Variants in NARS2 observed in about 807,000 individuals in gnomAD.
NARS2 encodes asparaginyl-tRNA synthetase 2, mitochondrial.
In NARS2, 60 loss-of-function variants were observed where a neutral mutation model predicts 62.9. That is an observed-to-expected ratio of 0.95 (90% CI 0.77 to 1.18). The LOEUF (loss-of-function observed/expected upper bound fraction) is 1.18. Among genes scored for constraint, NARS2 ranks in the 50% most tolerant of loss-of-function variants. The pLI is 0.00. For missense variants in NARS2, 619 were observed against 576.4 expected, an observed-to-expected ratio of 1.07 and a Z score of -0.76; for synonymous variants, 196 against 200.0, an observed-to-expected ratio of 0.98 and a Z score of 0.17.
intron 1 of NARS2, chr11:78,573,227 C>T (rs1486312676): frequency 1.3e-5 from 2 of 152,146 alleles, no homozygotes; most frequent in Non-Finnish European, 2.9e-5. Context: ...AAAGCAAGAA[C>T]CTACTCAAAA....
At chr11:78,443,606 T>C in intron 12 of NARS2, 55 bp downstream of exon 12, 10 of 1,343,632 alleles carry the variant, frequency 7.4e-6, no homozygotes, top group African/African-American at 1.4e-5. Flanking sequence ...ATGACCACCT[T>C]TGAGCGCCTT....
At chr11:78,465,209 C>T (rs1690248351) in intron 11 of NARS2, among the ~76,000 whole-genome samples, 1 of 152,258 alleles carries the variant, frequency 6.6e-6, no homozygotes, top group Non-Finnish European at 1.5e-5. Context: ...GTGGGGCCCG[C>T]CGAGCCCACA....
rs569827481 is a variant in NARS2, at chr11:78,544,094, C to T, written c.595-15158G>A. On this transcript the variant is annotated intron_variant, in intron 5 of 13. Transcript: ENST00000281038. Reference sequence around the variant, plus strand: ...CATTTGAGGATGTACAATTTCAACTCCTGTGTAAATCACTATCTGTCCACC... The same window carrying T: ...CATTTGAGGATGTACAATTTCAACTTCTGTGTAAATCACTATCTGTCCACC... 6.7e-5 allele frequency among the ~76,000 whole-genome samples: 10 copies of T among 150,130 alleles called. No homozygotes were observed. The East Asian group carries it at 1.8e-3, about 27-fold the overall frequency.
chr11:78,512,507 C>A, intron 6 of NARS2, among the ~76,000 whole-genome samples: 1 of 152,182 alleles, frequency 6.6e-6, no homozygotes. Flanking sequence ...CCAATGCTTA[C>A]AGCAGCTCTG....
intron 5 of NARS2, among the ~76,000 whole-genome samples, chr11:78,550,739 A>T (rs985867873): frequency 6.6e-6 from 1 of 152,258 alleles, no homozygotes; most frequent in African/African-American, 2.4e-5. Context: ...ATTCTACCCA[A>T]GAGAAATTAA....
intron 2 of NARS2, among the ~76,000 whole-genome samples, chr11:78,569,807 C>T (rs1406555543): frequency 2.0e-5 from 3 of 152,130 alleles, no homozygotes; most frequent in African/African-American, 7.2e-5. Context: ...AGTCATCCTA[C>T]AGAAATCTAA....
intron 5 of NARS2, among the ~76,000 whole-genome samples, chr11:78,530,370 C>T (rs186738536): frequency 1.3e-3 from 197 of 152,222 alleles, no homozygotes; most frequent in Admixed American, 2.2e-3. Flanking sequence ...TTCTCCTTTC[C>T]TTCACCACTT....
intron 7 of NARS2, among the ~76,000 whole-genome samples, chr11:78,489,739 C>T (rs1225321295): frequency 6.6e-6 from 1 of 151,896 alleles, no homozygotes; most frequent in Non-Finnish European, 1.5e-5. Flanking sequence ...CCTAGTAATC[C>T]CACTCCTAGG....
chr11:78,506,664 A>C (rs1201610491), intron 6 of NARS2, among the ~76,000 whole-genome samples: 1 of 152,174 alleles, frequency 6.6e-6, no homozygotes, highest in Admixed American at 6.5e-5. Context: ...CCTCCTGAGT[A>C]GCTGGGACTA....
At chr11:78,437,671 A>C (rs896891636) in intron 13 of NARS2, among the ~76,000 whole-genome samples, 2 of 152,122 alleles carry the variant, frequency 1.3e-5, no homozygotes, top group Non-Finnish European at 2.9e-5. Flanking sequence ...TGAGTTATAT[A>C]ATATTGATTA....
At chr11:78,493,778 CAT>C (rs746911870) in intron 6 of NARS2, among the ~76,000 whole-genome samples, 2 of 151,740 alleles carry the variant, frequency 1.3e-5, no homozygotes, top group Non-Finnish European at 2.9e-5. Flanking sequence ...AATATAGAAA[CAT>C]AACCACTTCT....
intron 4 of NARS2, among the ~76,000 whole-genome samples, chr11:78,561,726 C>T (rs555930738): frequency 6.6e-6 from 1 of 152,234 alleles, no homozygotes; most frequent in South Asian, 2.1e-4. Flanking sequence ...CACAGGCAGG[C>T]CATAGACAAC....
At position 78,508,593 on chromosome 11, in the gene NARS2, A is replaced by C. The variant is rs565171683; in HGVS notation, c.690-15398T>G. Among the ~76,000 whole-genome samples the C allele has an allele frequency of 4.6e-4, 69 of 149,762 alleles. No homozygotes were observed. In the East Asian group the frequency reaches 8.7e-3, roughly 19 times the overall value. ...ACAGAGGGTGACTCCATCTCAAAAA[A>C]AAAAAACAAAAAACAAAAAAAAAAC... is the stretch of plus-strand genomic sequence containing the variant. On this transcript the variant is annotated intron_variant, in intron 6 of 13. Coordinates refer to ENST00000281038, the MANE Select transcript of NARS2 (RefSeq NM_024678.6).
intron 6 of NARS2, among the ~76,000 whole-genome samples, chr11:78,520,140 G>C (rs974427542): frequency 6.6e-6 from 1 of 152,144 alleles, no homozygotes; most frequent in Non-Finnish European, 1.5e-5. Context: ...ATGAGAAATT[G>C]CTATATTCTG....
chr11:78,569,653 C>A (rs1401827340), intron 2 of NARS2, among the ~76,000 whole-genome samples: 1 of 152,152 alleles, frequency 6.6e-6, no homozygotes, highest in East Asian at 1.9e-4. Flanking sequence ...AGATTGTCCA[C>A]TATTGCATTA....
chr11:78,502,792 G>C (rs1860330926), intron 6 of NARS2, among the ~76,000 whole-genome samples: 1 of 152,132 alleles, frequency 6.6e-6, no homozygotes, highest in South Asian at 2.1e-4. Flanking sequence ...TCAGGAGTCT[G>C]AGACCAGCCT....
chr11:78,553,235 G>A (rs965130603), intron 5 of NARS2, among the ~76,000 whole-genome samples: 2 of 151,886 alleles, frequency 1.3e-5, no homozygotes, highest in Admixed American at 6.6e-5. Context: ...TCATATGCTT[G>A]TTGGCCTCAA....
intron 4 of NARS2, among the ~76,000 whole-genome samples, chr11:78,564,713 C>A (rs1856684187): frequency 1.3e-5 from 2 of 152,170 alleles, no homozygotes; most frequent in Non-Finnish European, 2.9e-5. Flanking sequence ...GTGGTTCAAG[C>A]AGTACTGAAA....
At chr11:78,504,963 G>A (rs1283725486) in intron 6 of NARS2, among the ~76,000 whole-genome samples, 1 of 151,794 alleles carries the variant, frequency 6.6e-6, no homozygotes, top group Non-Finnish European at 1.5e-5. Context: ...ACTTAAGGTT[G>A]TTAGTGGGTT....
Sources: gnomAD v4.1 joint callset for allele counts (sites outside exome capture counted in the v4.1 genomes callset) on GRCh38, gnomAD v4.1.1 for gene constraint, MANE v1.5 for transcripts, NCBI Gene and HGNC (gene_info 2026-07-23, HGNC 2026-07-21) for gene names.